LOC128092252: variants seen among roughly 807,000 people sequenced by gnomAD.
the LOC128092252 span, among the ~76,000 whole-genome samples, chr15:50,685,291 C>G: frequency 6.6e-6 from 1 of 152,210 alleles, no homozygotes; most frequent in Admixed American, 6.5e-5. Flanking sequence ...TGGTGAAACC[C>G]CGTCTCTACT....
chr15:50,664,254 G>A, the LOC128092252 span, among the ~76,000 whole-genome samples: 1 of 145,556 alleles, frequency 6.9e-6, no homozygotes, highest in Non-Finnish European at 1.5e-5. Flanking sequence ...AGGTTGCAGT[G>A]AGCCGAGATC....
chr15:50,678,253 A>AAAC, the LOC128092252 span, among the ~76,000 whole-genome samples: 1 of 126,992 alleles, frequency 7.9e-6, no homozygotes, highest in African/African-American at 3.1e-5. Flanking sequence ...AAAAAAAAAC[A>AAAC]AAAACAAAAA....
At chr15:50,651,032 C>G in the LOC128092252 span, among the ~76,000 whole-genome samples, 4 of 151,866 alleles carry the variant, frequency 2.6e-5, no homozygotes, top group African/African-American at 9.7e-5. Context: ...ACAAAACATA[C>G]AAACGTTAGT....
the LOC128092252 span, among the ~76,000 whole-genome samples, chr15:50,686,350 C>T: frequency 6.6e-6 from 1 of 152,212 alleles, no homozygotes. Context: ...CCTGCTCCCG[C>T]CCCTCACCCC....
the LOC128092252 span, among the ~76,000 whole-genome samples, chr15:50,677,424 C>T: frequency 5.0e-4 from 76 of 152,168 alleles, no homozygotes; most frequent in Non-Finnish European, 8.7e-4. Flanking sequence ...ACAACACACA[C>T]ACACACAGAG....
At chr15:50,674,595 G>C in the LOC128092252 span, among the ~76,000 whole-genome samples, 1 of 152,192 alleles carries the variant, frequency 6.6e-6, no homozygotes, top group African/African-American at 2.4e-5. Context: ...TGGTATTAGA[G>C]TATTCTAAAT....
chr15:50,661,703 T>C, the LOC128092252 span, among the ~76,000 whole-genome samples: 1 of 152,148 alleles, frequency 6.6e-6, no homozygotes, highest in East Asian at 1.9e-4. Context: ...TTTCTAAGAG[T>C]TATATATCTA....
chr15:50,657,251 G>A, the LOC128092252 span, among the ~76,000 whole-genome samples: 1 of 152,188 alleles, frequency 6.6e-6, no homozygotes, highest in African/African-American at 2.4e-5. Flanking sequence ...TTGAACCCAT[G>A]AGACAGAGGT....
chr15:50,677,851 G>T, the LOC128092252 span, among the ~76,000 whole-genome samples: 3 of 150,582 alleles, frequency 2.0e-5, no homozygotes, highest in African/African-American at 7.3e-5. Flanking sequence ...ACAGGAAAAT[G>T]TGACCCATAT....
At chr15:50,669,233 G>C in the LOC128092252 span, among the ~76,000 whole-genome samples, 1 of 151,988 alleles carries the variant, frequency 6.6e-6, no homozygotes, top group African/African-American at 2.4e-5. Context: ...CCTGAGGTCT[G>C]GAGTTCGAGA....
the LOC128092252 span, among the ~76,000 whole-genome samples, chr15:50,682,732 T>G: frequency 4.0e-3 from 602 of 152,302 alleles, 3 homozygotes; most frequent in African/African-American, 0.014. Flanking sequence ...AAACACTGTA[T>G]TCACATTCAA....
the LOC128092252 span, among the ~76,000 whole-genome samples, chr15:50,669,228 G>A: frequency 6.6e-6 from 1 of 152,228 alleles, no homozygotes; most frequent in Non-Finnish European, 1.5e-5. Flanking sequence ...GATCACCTGA[G>A]GTCTGGAGTT....
chr15:50,679,021 G>C, the LOC128092252 span, among the ~76,000 whole-genome samples: 1 of 152,104 alleles, frequency 6.6e-6, no homozygotes, highest in South Asian at 2.1e-4. Flanking sequence ...CTACAGGTGC[G>C]TGCCACCACG....
At chr15:50,669,619 T>C in the LOC128092252 span, among the ~76,000 whole-genome samples, 1 of 152,200 alleles carries the variant, frequency 6.6e-6, no homozygotes, top group Non-Finnish European at 1.5e-5. Context: ...AACTTGTCTT[T>C]AGTAAAAATG....
chr15:50,658,097 C>T, the LOC128092252 span, among the ~76,000 whole-genome samples: 2 of 151,698 alleles, frequency 1.3e-5, no homozygotes, highest in South Asian at 2.1e-4. Context: ...CTCCGCCTCC[C>T]GGGTTCACAC....
chr15:50,655,211 G>T, the LOC128092252 span, among the ~76,000 whole-genome samples: 1 of 150,314 alleles, frequency 6.7e-6, no homozygotes, highest in South Asian at 2.1e-4. Flanking sequence ...CAAGGCGGGC[G>T]AATCACGAGG....
the LOC128092252 span, among the ~76,000 whole-genome samples, chr15:50,660,869 G>C: frequency 6.6e-6 from 1 of 152,092 alleles, no homozygotes; most frequent in Non-Finnish European, 1.5e-5. Context: ...CTTCATTGTG[G>C]CCTAATTAAA....
At chr15:50,666,751 G>A in the LOC128092252 span, among the ~76,000 whole-genome samples, 5 of 151,802 alleles carry the variant, frequency 3.3e-5, no homozygotes, top group Admixed American at 6.6e-5. Context: ...ATGGTGAGCC[G>A]AGATCGTGCC....
At chr15:50,655,071 A>AGAGT in the LOC128092252 span, among the ~76,000 whole-genome samples, 77,952 of 140,422 alleles carry the variant, frequency 0.56, 22,684 homozygotes, top group Admixed American at 0.61. Context: ...TGTAGAAATA[A>AGAGT]GAGTGAACCT....
Sources: gnomAD v4.1 joint callset for allele counts (sites outside exome capture counted in the v4.1 genomes callset) on GRCh38, gnomAD v4.1.1 for gene constraint, MANE v1.5 for transcripts.